Variants in LRRC23 observed in about 807,000 individuals in gnomAD.
The protein encoded by LRRC23 is leucine rich repeat containing 23.
Under a neutral mutation model 37.7 loss-of-function variants are expected in LRRC23, and 28 were observed. The ratio of observed to expected loss-of-function variants is 0.74; its 90% confidence interval spans 0.55 to 1.02. LRRC23 has a LOEUF of 1.02. Ranked by LOEUF, LRRC23 falls within the 50% of genes least tolerant of loss-of-function variation. The pLI, the probability that LRRC23 is intolerant of heterozygous loss-of-function variation, is 0.00. For missense variants in LRRC23, 377 were observed against 413.2 expected, an observed-to-expected ratio of 0.91 and a Z score of 0.76; for synonymous variants, 161 against 165.4, an observed-to-expected ratio of 0.97 and a Z score of 0.20.
chr12:6,912,643 C>A, intron 6 of LRRC23, 87 bp from the exon 7 acceptor site: 2 of 1,226,642 alleles, frequency 1.6e-6, no homozygotes, highest in Non-Finnish European at 2.3e-6. Flanking sequence ...CACTGGAACC[C>A]CGAGAGTCCC....
chr12:6,907,598 G>A, intron 5 of LRRC23, 153 bp downstream of exon 5: 1 of 776,422 alleles, frequency 1.3e-6, no homozygotes, highest in South Asian at 1.4e-5. Flanking sequence ...ATGCTGTGGA[G>A]ATACACAGCC....
At chr12:6,911,665 G>A (rs1294862383) in intron 6 of LRRC23, among the ~76,000 whole-genome samples, 1 of 152,178 alleles carries the variant, frequency 6.6e-6, no homozygotes, top group Non-Finnish European at 1.5e-5. Context: ...CATGAGATCA[G>A]GCTGAAACAC....
At position 6,908,615 on chromosome 12, in the gene LRRC23, AAAAAACC is replaced by A. The variant is rs1181118112; in HGVS notation, c.621+1174_621+1180del. ...CCATCTCAAAAAAAAAAAAAAAAAA[AAAAAACC>A]AAAGAAAAACACGGTGAAACCCCGT... On this transcript the variant is annotated intron_variant, in intron 5 of 7. Transcript: ENST00000443597. 2.8e-4 allele frequency among the ~76,000 whole-genome samples: 32 copies of A among 114,716 alleles called. 4 individuals are homozygous for A. The highest frequency in any genetic ancestry group is 3.7e-4 in the Non-Finnish European group (22 of 58,704). The allele number at this position is 114,716 out of a possible 152,430, so 75.3% of individuals were successfully genotyped here. A position where few individuals can be genotyped will look rare whatever the true frequency, so the allele number is the denominator to read the frequency against.
intron 3 of LRRC23, 54 bp from the exon 4 acceptor site, chr12:6,906,355 C>T (rs1377944688): frequency 1.3e-6 from 2 of 1,573,604 alleles, no homozygotes; most frequent in Non-Finnish European, 1.7e-6. Context: ...TCTGCCAGTC[C>T]TCACTGGGTG....
intron 6 of LRRC23, 31 bp from the exon 7 acceptor site, chr12:6,912,699 C>T: frequency 6.2e-7 from 1 of 1,603,130 alleles, no homozygotes; most frequent in Non-Finnish European, 8.5e-7. Flanking sequence ...CCCATTATTC[C>T]TGCATGAACC....
chr12:6,909,764 A>G, intron 5 of LRRC23, 126 bp from the exon 6 acceptor site: 1 of 819,912 alleles, frequency 1.2e-6, no homozygotes, highest in South Asian at 1.8e-5. Context: ...ACTCACCCCC[A>G]CTCCTTTCTT....
chr12:6,905,700 G>A lies in LRRC23; in HGVS notation c.67G>A (p.Glu23Lys), dbSNP rs782034142. ...GGATGATTCTGAGAAAGAAGAGGAC[G>A]AGAAGGAGACAGAGGAGGGGGAGGA... The part of the protein sequence containing the change: ...DQDDSEKEED[E>K]KETEEGEDYR... The change falls in exon 2 of 8, where the codon GAG (glutamate) becomes AAG (lysine). Residue 23 changes from glutamate to lysine, a missense_variant. This residue lies in a region of LRRC23 where 106 missense variants were observed against 105.9 expected (regional missense o/e 1.00). Coordinates refer to ENST00000443597, the MANE Select transcript of LRRC23 (RefSeq NM_001135217.2). 2.5e-6 allele frequency: 4 copies of A among 1,613,268 alleles called. No individual in the cohort carries two copies. The highest frequency in any genetic ancestry group is 1.7e-5 in the Admixed American group (1 of 59,934).
intron 4 of LRRC23, among the ~76,000 whole-genome samples, chr12:6,907,004 A>T (rs1199797811): frequency 6.6e-6 from 1 of 152,200 alleles, no homozygotes; most frequent in Non-Finnish European, 1.5e-5. Context: ...GGCAATGTCA[A>T]ATAGATTGGT....
rs369885926 is a variant in LRRC23, at chr12:6,912,820, G to A, written c.849G>A (p.Thr283=). 57 of 1,614,014 alleles carry A rather than the reference G, an allele frequency of 3.5e-5. No homozygotes were observed. In the Middle Eastern group the frequency reaches 4.9e-4, roughly 14 times the overall value. ...RALVLLDNPC[T]DETSYRQEAL... is the part of the protein sequence containing the mutation. ...TGGTGCTGCTTGATAACCCATGCAC[G>A]GACGAAACCAGCTACCGCCAGGAGG... Residue 283 remains threonine, a synonymous_variant, in exon 7 of 8, where the codon ACG becomes ACA. Coordinates refer to ENST00000443597, the MANE Select transcript of LRRC23 (RefSeq NM_001135217.2).
chr12:6,906,536 G>A lies in LRRC23; in HGVS notation c.364G>A (p.Gly122Ser). The change falls in exon 4 of 8, where the codon GGC (glycine) becomes AGC (serine). Residue 122 changes from glycine (G) to serine (S), a missense_variant. Gly to Ser is a moderately conservative substitution (Grantham distance 56). This residue lies in a region of LRRC23 where 266 missense variants were observed against 285.6 expected (regional missense o/e 0.93). Transcript: ENST00000443597. ...CCACCTGCTCTGGCTCAAGGCTGAT[G>A]GCAATCGGCTGCGAAGTGCCCAGAT... The part of the protein sequence containing the change: ...LTHLLWLKAD[G>S]NRLRSAQMNE... 6.2e-7 allele frequency: 1 copy of A among 1,614,222 alleles called. No homozygotes were observed. The highest frequency in any genetic ancestry group is 8.5e-7 in the Non-Finnish European group (1 of 1,180,046).
In LRRC23 at chr12:6,914,045, G is replaced by A; in HGVS notation, c.*179G>A. 6.2e-7 allele frequency: 1 copy of A among 1,603,222 alleles called. No individual in the cohort carries two copies. The highest frequency in any genetic ancestry group is 1.3e-5 in the African/African-American group (1 of 74,430). ...CTGCTCTGTGCCGGTCCTCTGGGCA[G>A]TGTGGGGTGCAGAATGGGGTGCCTA... On this transcript the variant is annotated 3_prime_UTR_variant, in exon 8 of 8. Transcript: ENST00000443597. This position sits in a 1 kb window ranked among gnomAD's most constrained non-coding sequence, Gnocchi z 7.1.
intron 5 of LRRC23, chr12:6,907,706 A>G (rs1305611686): frequency 1.7e-6 from 1 of 593,846 alleles, no homozygotes; most frequent in Non-Finnish European, 3.0e-6. Flanking sequence ...AGGTACAAAC[A>G]TCAGTCTGTG....
rs782399146 is a variant in LRRC23, at chr12:6,912,823, C to T, written c.852C>T (p.Asp284=). The change falls in exon 7 of 8, where the codon GAC becomes GAT. Residue 284 remains aspartate (D), a synonymous_variant. Coordinates refer to ENST00000443597, the MANE Select transcript of LRRC23 (RefSeq NM_001135217.2). ...TGCTGCTTGATAACCCATGCACGGA[C>T]GAAACCAGCTACCGCCAGGAGGCCC... ...ALVLLDNPCT[D]ETSYRQEALV... is the part of the protein sequence containing the mutation. 28 of 1,614,018 alleles carry T rather than the reference C, an allele frequency of 1.7e-5. No homozygotes were observed. In the South Asian group the frequency reaches 1.8e-4, roughly 10 times the overall value.
Position 6,905,946 on chromosome 12 carries a change from T to G in LRRC23, c.228T>G (p.Val76=). ...GLAHAYVKLE[V]KERDLTDIYL... ...CTCATGCTTATGTCAAGCTGGAGGT[T>G]AAAGAGAGGTGCGTTTTGGGGGGAC... is the stretch of plus-strand genomic sequence containing the variant. Residue 76 remains valine, a synonymous_variant, in exon 3 of 8, where the codon GTT becomes GTG. Coordinates refer to ENST00000443597, the MANE Select transcript of LRRC23 (RefSeq NM_001135217.2). The G allele has an allele frequency of 6.2e-7, 1 of 1,613,800 alleles. No individual in the cohort carries two copies. The highest frequency in any genetic ancestry group is 1.1e-5 in the South Asian group (1 of 91,052).
intron 5 of LRRC23, among the ~76,000 whole-genome samples, chr12:6,909,396 T>TATAAA (rs1565554217): frequency 2.7e-5 from 1 of 36,854 alleles, no homozygotes. Context: ...TATATAAATA[T>TATAAA]TATATATAAT....
chr12:6,906,296 T>C (rs1944945217), intron 3 of LRRC23, 113 bp from the exon 4 acceptor site: 2 of 1,040,146 alleles, frequency 1.9e-6, no homozygotes, highest in African/African-American at 3.2e-5. Context: ...TGTTGCCCAT[T>C]CTTCTCCCCA....
chr12:6,912,860 C>G lies in LRRC23; in HGVS notation c.889C>G (p.Pro297Ala), dbSNP rs782774778. ...CCGCCAGGAGGCCCTGGTGCAGATGCCATACCTTGAACGCCTGGACAAGGA... is the reference window on the plus strand; with the variant it reads ...CCGCCAGGAGGCCCTGGTGCAGATGGCATACCTTGAACGCCTGGACAAGGA... The part of the protein sequence containing the change: ...SYRQEALVQM[P>A]YLERLDKEFY... The change falls in exon 7 of 8, where the codon CCA (proline) becomes GCA (alanine). Residue 297 changes from proline to alanine, a missense_variant. Transcript: ENST00000443597. 6 of 1,614,104 alleles carry G rather than the reference C, an allele frequency of 3.7e-6. No homozygotes were observed. The South Asian group carries it at 5.5e-5, about 15-fold the overall frequency.
At chr12:6,910,568 G>C (rs1945133521) in intron 6 of LRRC23, among the ~76,000 whole-genome samples, 2 of 152,048 alleles carry the variant, frequency 1.3e-5, no homozygotes, top group Non-Finnish European at 2.9e-5. Flanking sequence ...AATTAGCCAG[G>C]CATGGTGACA....
chr12:6,913,114 G>T, intron 7 of LRRC23, 87 bp downstream of exon 7: 1 of 1,335,888 alleles, frequency 7.5e-7, no homozygotes, highest in South Asian at 1.4e-5. Context: ...GCTGCAGAAG[G>T]AGGTGGGAGA....
Sources: gnomAD v4.1 joint callset for allele counts (sites outside exome capture counted in the v4.1 genomes callset) on GRCh38, gnomAD v4.1.1 for gene constraint, gnomAD v4.1.1 regional missense constraint, Gnocchi (gnomAD v3.1) non-coding constraint, MANE v1.5 for transcripts, NCBI Gene and HGNC (gene_info 2026-07-23, HGNC 2026-07-21) for gene names.